JAK2: variants seen among roughly 807,000 people sequenced by gnomAD.
JAK2 encodes the protein tyrosine-protein kinase JAK2.
Under a neutral mutation model 139.3 loss-of-function variants are expected in JAK2, and 86 were observed. That is an observed-to-expected ratio of 0.62 (90% CI 0.52 to 0.74). The LOEUF (loss-of-function observed/expected upper bound fraction) is 0.74. Ranked by LOEUF, JAK2 falls within the 30% of genes least tolerant of loss-of-function variation. The pLI is 0.00. For synonymous variants in JAK2, 490 were observed against 437.7 expected (o/e 1.12, Z -1.49); for missense variants, 1,421 against 1,360.3 (o/e 1.04, Z -0.70).
Position 5,111,200 on chromosome 9 carries a change from G to T in JAK2, c.3060-11804G>T, listed in dbSNP as rs977363793. ...TCTCCATTCACATTCCTGGGACCGG[G>T]ACTCGGAGGCAAGAGCAGCTAGCGC... On this transcript the variant is annotated intron_variant, in intron 22 of 24. Coordinates refer to ENST00000381652, the MANE Select transcript of JAK2 (RefSeq NM_004972.4). 95 of 643,452 alleles carry T rather than the reference G, an allele frequency of 1.5e-4. No individual in the cohort carries two copies. The African/African-American group carries it at 1.6e-3, about 11-fold the overall frequency. The allele number at this position is 643,452 out of a possible 1,614,324, so 39.9% of individuals were successfully genotyped here. A position where few individuals can be genotyped will look rare whatever the true frequency, so the allele number is the denominator to read the frequency against.
At chr9:5,085,284 T>C in intron 19 of JAK2, 2 of 707,672 alleles carry the variant, frequency 2.8e-6, no homozygotes, top group Admixed American at 1.8e-5. Flanking sequence ...TTGGTTTGCC[T>C]ATGTTAGAAC....
At chr9:4,998,179 A>T (rs1587803848) in intron 2 of JAK2, among the ~76,000 whole-genome samples, 2 of 152,256 alleles carry the variant, frequency 1.3e-5, no homozygotes, top group Admixed American at 6.5e-5. Flanking sequence ...AAAATCTTTT[A>T]AAAATGTCTT....
At chr9:5,111,482 G>C in intron 22 of JAK2, 1 of 376,788 alleles carries the variant, frequency 2.7e-6, no homozygotes, top group East Asian at 6.8e-5. Flanking sequence ...CTCAGGTGAG[G>C]AGTACGGTAG....
At position 5,128,012 on chromosome 9, in the gene JAK2, C is replaced by A. The variant is rs566526825; in HGVS notation, c.*1221C>A. On this transcript the variant is annotated 3_prime_UTR_variant, in exon 25 of 25. Coordinates refer to ENST00000381652, the MANE Select transcript of JAK2 (RefSeq NM_004972.4). ...TTTCAATTAAGTATAAGGGGTTGTT[C>A]GTTGTTGTCATTTGTTATAGTGCTA... 13 of 230,372 alleles carry A rather than the reference C, an allele frequency of 5.6e-5. No individual in the cohort carries two copies. The highest frequency in any genetic ancestry group is 8.6e-5 in the Non-Finnish European group (10 of 116,864). The allele number at this position is 230,372 out of a possible 1,614,324, so 14.3% of individuals were successfully genotyped here. A position where few individuals can be genotyped will look rare whatever the true frequency, so the allele number is the denominator to read the frequency against.
rs137858176 is a variant in JAK2, at chr9:4,990,795, T to C, written c.-26+4773T>C. 1.1e-3 allele frequency among the ~76,000 whole-genome samples: 166 copies of C among 152,276 alleles called. 1 individual carries two copies. Among genetic ancestry groups the C allele is most frequent in the African/African-American group, 3.7e-3 (153 of 41,558 alleles). On this transcript the variant is annotated intron_variant, in intron 2 of 24. Transcript: ENST00000381652. Reference sequence around the variant, plus strand: ...TGCTTATACTTTCCCTACGTGGAAATAACCACTGTTAATATTTTGTTCTCT... The same window carrying C: ...TGCTTATACTTTCCCTACGTGGAAACAACCACTGTTAATATTTTGTTCTCT...
At chr9:5,095,361 T>TA (rs1241459278) in intron 22 of JAK2, among the ~76,000 whole-genome samples, 1 of 151,946 alleles carries the variant, frequency 6.6e-6, no homozygotes, top group African/African-American at 2.4e-5. Flanking sequence ...CCATCTTGAT[T>TA]AAAAAAACAA....
At chr9:5,097,608 T>C (rs1821105487) in intron 22 of JAK2, 1 of 151,324 alleles carries the variant, frequency 6.6e-6, no homozygotes, top group Non-Finnish European at 1.5e-5. Context: ...CTATGCCTAC[T>C]GGCATCAAGG....
intron 8 of JAK2, among the ~76,000 whole-genome samples, chr9:5,061,172 G>A (rs770482126): frequency 8.5e-5 from 13 of 152,178 alleles, no homozygotes; most frequent in African/African-American, 1.4e-4. Context: ...AGCATAATTC[G>A]CAGAGCCCTG....
chr9:4,994,047 G>A (rs1037738942), intron 2 of JAK2, among the ~76,000 whole-genome samples: 2 of 152,186 alleles, frequency 1.3e-5, no homozygotes, highest in Admixed American at 6.5e-5. Flanking sequence ...CTAGCCACTC[G>A]TGACTGAACT....
intron 3 of JAK2, among the ~76,000 whole-genome samples, chr9:5,024,484 T>C (rs920690978): frequency 5.7e-4 from 87 of 152,224 alleles, no homozygotes; most frequent in Non-Finnish European, 1.0e-4. Context: ...CCCTTCCTGC[T>C]TGTGCTGACT....
At chr9:5,052,481 G>C (rs1817485346) in intron 6 of JAK2, among the ~76,000 whole-genome samples, 1 of 151,936 alleles carries the variant, frequency 6.6e-6, no homozygotes, top group Non-Finnish European at 1.5e-5. Context: ...TATTTTAAAA[G>C]AGTTTATTGA....
chr9:5,036,370 A>G (rs1269108251), intron 4 of JAK2, among the ~76,000 whole-genome samples: 1 of 152,218 alleles, frequency 6.6e-6, no homozygotes, highest in African/African-American at 2.4e-5. Context: ...GAATTGGAAA[A>G]AACTACTTTA....
chr9:4,996,925 GTTCT>G (rs1356473811), intron 2 of JAK2, among the ~76,000 whole-genome samples: 2 of 119,804 alleles, frequency 1.7e-5, no homozygotes, highest in African/African-American at 6.4e-5. Context: ...CTGTTAGTTT[GTTCT>G]TTTTTTTTTT....
intron 22 of JAK2, among the ~76,000 whole-genome samples, chr9:5,096,122 T>C (rs1820966490): frequency 6.6e-6 from 1 of 152,066 alleles, no homozygotes; most frequent in African/African-American, 2.4e-5. Context: ...ATTTACTCCA[T>C]CTCAATGACA....
At chr9:5,016,881 G>C (rs1289208450) in intron 2 of JAK2, among the ~76,000 whole-genome samples, 1 of 152,168 alleles carries the variant, frequency 6.6e-6, no homozygotes, top group African/African-American at 2.4e-5. Context: ...AAATAATTTA[G>C]AGGGAATAAC....
chr9:5,107,202 C>T lies in JAK2; in HGVS notation c.3060-15802C>T, dbSNP rs188734762. 1.0e-3 allele frequency among the ~76,000 whole-genome samples: 159 copies of T among 152,104 alleles called. 1 individual carries two copies. Among genetic ancestry groups the T allele is most frequent in the African/African-American group, 3.6e-3 (150 of 41,466 alleles). On this transcript the variant is annotated intron_variant, in intron 22 of 24. Transcript: ENST00000381652. Reference sequence around the variant, plus strand: ...CCATTGACTTCCAATCAACTAGTTTCGATAATATCTGAAAGATATTAAATA... The same window carrying T: ...CCATTGACTTCCAATCAACTAGTTTTGATAATATCTGAAAGATATTAAATA...
intron 4 of JAK2, among the ~76,000 whole-genome samples, chr9:5,042,197 G>C (rs1280806669): frequency 6.7e-6 from 1 of 148,498 alleles, no homozygotes; most frequent in African/African-American, 2.5e-5. Context: ...GACTGCAGTG[G>C]CGCAATCTCG....
chr9:5,018,060 A>G (rs1056000221), intron 2 of JAK2, among the ~76,000 whole-genome samples: 92 of 152,152 alleles, frequency 6.0e-4, no homozygotes, highest in Non-Finnish European at 1.1e-3. Context: ...GCCATTCTCT[A>G]TCTTTTAAGT....
In JAK2 at chr9:5,022,119, C is replaced by T. The variant is rs759331856; in HGVS notation, c.132C>T (p.Tyr44=). ...ATCCAGTTCTTCAGGTGTATCTTTA[C>T]CATTCCCTTGGGAAATCTGAGGCAG... ...QIDPVLQVYL[Y]HSLGKSEADY... Residue 44 remains tyrosine (Y), a synonymous_variant, in exon 3 of 25, where the codon TAC becomes TAT. Coordinates refer to ENST00000381652, the MANE Select transcript of JAK2 (RefSeq NM_004972.4). The T allele has an allele frequency of 2.2e-5, 36 of 1,614,014 alleles. No homozygotes were observed. The highest frequency in any genetic ancestry group is 1.6e-4 in the Middle Eastern group (1 of 6,062).
Sources: gnomAD v4.1 joint callset for allele counts (sites outside exome capture counted in the v4.1 genomes callset) on GRCh38, gnomAD v4.1.1 for gene constraint, MANE v1.5 for transcripts, NCBI Gene and HGNC (gene_info 2026-07-23, HGNC 2026-07-21) for gene names.